TRIM5: variants seen among roughly 807,000 people sequenced by gnomAD.
TRIM5 encodes the protein tripartite motif containing 5.
TRIM5 carries 31 observed loss-of-function variants against 35.6 expected under a neutral mutation model. The ratio of observed to expected loss-of-function variants is 0.87; its 90% confidence interval spans 0.65 to 1.18. TRIM5 has a LOEUF of 1.18. Among genes scored for constraint, TRIM5 ranks in the 50% most tolerant of loss-of-function variants. The probability of loss-of-function intolerance (pLI) is 0.00; values close to 1 mark genes in which losing one functional copy is unlikely to be tolerated. For missense variants in TRIM5, 609 were observed against 591.6 expected (o/e 1.03, Z -0.31); for synonymous variants, 243 against 215.6 (o/e 1.13, Z -1.11).
chr11:5,609,524 C>T, the TRIM5 span, among the ~76,000 whole-genome samples: 1 of 151,884 alleles, frequency 6.6e-6, no homozygotes, highest in African/African-American at 2.4e-5. Flanking sequence ...AAAAGATTTC[C>T]AAGCCATTAT....
chr11:5,649,397 T>C, the TRIM5 span, among the ~76,000 whole-genome samples: 1 of 152,100 alleles, frequency 6.6e-6, no homozygotes, highest in Non-Finnish European at 1.5e-5. Context: ...CTGAGCTGAG[T>C]TGTTGTCTTT....
At chr11:5,656,766 A>G in the TRIM5 span, among the ~76,000 whole-genome samples, 2 of 152,222 alleles carry the variant, frequency 1.3e-5, no homozygotes, top group Non-Finnish European at 2.9e-5. Context: ...ATGAGATACC[A>G]TCTCACTCCA....
At chr11:5,648,199 CAT>C in the TRIM5 span, among the ~76,000 whole-genome samples, 1 of 152,002 alleles carries the variant, frequency 6.6e-6, no homozygotes, top group Non-Finnish European at 1.5e-5. Context: ...AGAAAGAAAA[CAT>C]AAATTAAGAA....
At chr11:5,604,746 C>A in the TRIM5 span, 2 of 1,103,684 alleles carry the variant, frequency 1.8e-6, no homozygotes, top group East Asian at 5.2e-5. Context: ...AGAAGAGCTT[C>A]CCTTTGCCTG....
the TRIM5 span, among the ~76,000 whole-genome samples, chr11:5,645,307 G>A: frequency 2.8e-3 from 421 of 150,812 alleles, 2 homozygotes; most frequent in African/African-American, 9.2e-3. Flanking sequence ...CATGAGAATC[G>A]CTTGAACCTG....
At chr11:5,618,735 T>C in the TRIM5 span, among the ~76,000 whole-genome samples, 2 of 152,328 alleles carry the variant, frequency 1.3e-5, no homozygotes, top group Admixed American at 1.3e-4. Context: ...TGAACCTTGA[T>C]TGATTATAGA....
At chr11:5,642,091 T>C in the TRIM5 span, among the ~76,000 whole-genome samples, 1 of 152,164 alleles carries the variant, frequency 6.6e-6, no homozygotes, top group Non-Finnish European at 1.5e-5. Flanking sequence ...AGCAAAGTCT[T>C]TTCCTATCGT....
At chr11:5,593,885 C>G in the TRIM5 span, among the ~76,000 whole-genome samples, 1 of 152,152 alleles carries the variant, frequency 6.6e-6, no homozygotes, top group African/African-American at 2.4e-5. Flanking sequence ...CATCATATTA[C>G]CCCACCAAAC....
chr11:5,642,878 C>T, the TRIM5 span: 2 of 1,612,866 alleles, frequency 1.2e-6, no homozygotes, highest in East Asian at 2.2e-5. Context: ...AACTGTTTTC[C>T]AATTACCTTT....
the TRIM5 span, among the ~76,000 whole-genome samples, chr11:5,599,864 G>C: frequency 6.6e-6 from 1 of 152,124 alleles, no homozygotes; most frequent in Non-Finnish European, 1.5e-5. Flanking sequence ...CAGTGCTAAG[G>C]TCTGGGGCAC....
the TRIM5 span, chr11:5,596,152 C>T: frequency 2.6e-4 from 39 of 152,234 alleles, no homozygotes; most frequent in African/African-American, 7.7e-4. Flanking sequence ...GCTTCAAGTC[C>T]TTGGCTCTGA....
intron 4 of TRIM5, among the ~76,000 whole-genome samples, chr11:5,676,391 A>T (rs1851983629): frequency 6.6e-6 from 1 of 152,172 alleles, no homozygotes; most frequent in Admixed American, 6.5e-5. Flanking sequence ...TAGGAATCCA[A>T]CTTACAAGGG....
the TRIM5 span, among the ~76,000 whole-genome samples, chr11:5,630,671 C>T: frequency 6.6e-6 from 1 of 152,170 alleles, no homozygotes; most frequent in South Asian, 2.1e-4. Context: ...TAAACTCTTA[C>T]TTATCCAAGC....
At chr11:5,656,633 C>T in the TRIM5 span, among the ~76,000 whole-genome samples, 6 of 151,920 alleles carry the variant, frequency 3.9e-5, no homozygotes, top group African/African-American at 1.5e-4. Flanking sequence ...GGATTATAGG[C>T]GTGAGCCACT....
At chr11:5,669,733 C>G (rs532799191) in intron 4 of TRIM5, among the ~76,000 whole-genome samples, 1 of 152,320 alleles carries the variant, frequency 6.6e-6, no homozygotes, top group African/African-American at 2.4e-5. Context: ...CGCAGTGACT[C>G]CTGCCTGTGA....
chr11:5,655,342 A>G, the TRIM5 span, among the ~76,000 whole-genome samples: 381 of 152,270 alleles, frequency 2.5e-3, no homozygotes, highest in African/African-American at 7.9e-3. Context: ...TTTATCTACA[A>G]TTTAAATAAT....
At chr11:5,594,865 G>C in the TRIM5 span, among the ~76,000 whole-genome samples, 16 of 152,066 alleles carry the variant, frequency 1.1e-4, no homozygotes, top group Non-Finnish European at 2.2e-4. Context: ...GTTTGGGTGG[G>C]GTCAGGAGAA....
At chr11:5,609,126 C>A in the TRIM5 span, among the ~76,000 whole-genome samples, 14 of 152,068 alleles carry the variant, frequency 9.2e-5, no homozygotes, top group Non-Finnish European at 1.9e-4. Context: ...GCCCGGGAAT[C>A]AAACATGTTC....
At position 5,665,052 on chromosome 11, in the gene TRIM5, G is replaced by A. The variant is rs1196156777; in HGVS notation, c.1239C>T (p.Phe413=). ...GLEEGVKCSA[F]QDSSFHTPSV... Reference sequence around the variant, plus strand: ...AAGGAGTATGGAAGGAACTATCCTGGAAAGCACTACATTTAACTCCTTCCT... The same window carrying A: ...AAGGAGTATGGAAGGAACTATCCTGAAAAGCACTACATTTAACTCCTTCCT... Residue 413 remains phenylalanine (F), a synonymous_variant, in exon 8 of 8, where the codon TTC becomes TTT. Transcript: ENST00000380034. 3.1e-6 allele frequency: 5 copies of A among 1,613,984 alleles called. No individual in the cohort carries two copies. Among genetic ancestry groups the A allele is most frequent in the Non-Finnish European group, 4.2e-6 (5 of 1,180,040 alleles).
Sources: gnomAD v4.1 joint callset for allele counts (sites outside exome capture counted in the v4.1 genomes callset) on GRCh38, gnomAD v4.1.1 for gene constraint, MANE v1.5 for transcripts, NCBI Gene and HGNC (gene_info 2026-07-23, HGNC 2026-07-21) for gene names.